The following SLC4A10 variants were observed in gnomAD, a reference collection of about 807,000 sequenced individuals.
SLC4A10 encodes the protein sodium-driven chloride bicarbonate exchanger.
Under a neutral mutation model 137.7 loss-of-function variants are expected in SLC4A10, and 42 were observed. That is an observed-to-expected ratio of 0.30 (90% confidence interval 0.24 to 0.39). The LOEUF (loss-of-function observed/expected upper bound fraction) is 0.39. Ranked by LOEUF, SLC4A10 falls within the 10% of genes least tolerant of loss-of-function variation. The probability of loss-of-function intolerance (pLI) is 1.00; values close to 1 mark genes in which losing one functional copy is unlikely to be tolerated. For synonymous variants in SLC4A10, 474 were observed against 464.1 expected, an observed-to-expected ratio of 1.02 and a Z score of -0.27; for missense variants, 925 against 1,355.0, an observed-to-expected ratio of 0.68 and a Z score of 4.98.
chr2:161,673,397 A>C (rs2105801103), intron 1 of SLC4A10, among the ~76,000 whole-genome samples: 1 of 152,310 alleles, frequency 6.6e-6, no homozygotes, highest in South Asian at 2.1e-4. Context: ...TCCCAAATGT[A>C]GGTAGTATTT....
chr2:161,860,448 C>A (rs1336725127), intron 5 of SLC4A10, among the ~76,000 whole-genome samples: 1 of 152,062 alleles, frequency 6.6e-6, no homozygotes, highest in Non-Finnish European at 1.5e-5. Flanking sequence ...CATATCATGG[C>A]TTATATTTGG....
chr2:161,708,964 G>A, intron 1 of SLC4A10: 1 of 1,031,354 alleles, frequency 9.7e-7, no homozygotes, highest in Non-Finnish European at 1.4e-6. Context: ...GAACAAGTAA[G>A]ATTTATGGCA....
chr2:161,740,313 C>G (rs943363269), intron 1 of SLC4A10, among the ~76,000 whole-genome samples: 1 of 152,134 alleles, frequency 6.6e-6, no homozygotes, highest in African/African-American at 2.4e-5. Context: ...TACACAAGTC[C>G]AGAGTCAGTT....
intron 1 of SLC4A10, among the ~76,000 whole-genome samples, chr2:161,703,202 A>G (rs2043300774): frequency 6.6e-6 from 1 of 151,740 alleles, no homozygotes; most frequent in Non-Finnish European, 1.5e-5. Flanking sequence ...TAGAGGATGT[A>G]TGTAAGGCTG....
At chr2:161,960,565 C>A (rs1696506414) in intron 21 of SLC4A10, among the ~76,000 whole-genome samples, 1 of 150,930 alleles carries the variant, frequency 6.6e-6, no homozygotes, top group East Asian at 2.0e-4. Context: ...ACTAAAAATA[C>A]AAAAATCAGA....
At chr2:161,866,649 T>C (rs2125905913) in intron 6 of SLC4A10, among the ~76,000 whole-genome samples, 1 of 152,060 alleles carries the variant, frequency 6.6e-6, no homozygotes, top group East Asian at 1.9e-4. Context: ...GAAAAGGGTA[T>C]GGGTGGTAAA....
At chr2:161,897,408 C>T (rs1191956765) in intron 11 of SLC4A10, among the ~76,000 whole-genome samples, 1 of 152,052 alleles carries the variant, frequency 6.6e-6, no homozygotes, top group Non-Finnish European at 1.5e-5. Context: ...CTCTGCTACC[C>T]TATTGGAAGC....
chr2:161,788,894 T>A (rs1032708577), intron 2 of SLC4A10, among the ~76,000 whole-genome samples: 1 of 152,160 alleles, frequency 6.6e-6, no homozygotes, highest in Non-Finnish European at 1.5e-5. Context: ...AGGTCAGCCC[T>A]CATCAGGAAA....
chr2:161,782,877 A>G (rs928738220), intron 2 of SLC4A10, among the ~76,000 whole-genome samples: 5 of 151,250 alleles, frequency 3.3e-5, no homozygotes, highest in African/African-American at 4.9e-5. Flanking sequence ...GGATCAATAT[A>G]TGCATTATGA....
chr2:161,811,270 A>C (rs146867976), intron 3 of SLC4A10, among the ~76,000 whole-genome samples: 1 of 151,844 alleles, frequency 6.6e-6, no homozygotes, highest in Non-Finnish European at 1.5e-5. Context: ...TTGTTAATCT[A>C]ACTAGTAGTC....
chr2:161,900,205 G>A (rs1682745105), intron 11 of SLC4A10, among the ~76,000 whole-genome samples: 1 of 152,022 alleles, frequency 6.6e-6, no homozygotes, highest in South Asian at 2.1e-4. Context: ...AATAGACCAT[G>A]GGAAAACAAT....
chr2:161,631,829 G>A (rs1220602834), intron 1 of SLC4A10, among the ~76,000 whole-genome samples: 1 of 151,668 alleles, frequency 6.6e-6, no homozygotes, highest in Non-Finnish European at 1.5e-5. Flanking sequence ...GGTGCTCTCA[G>A]AAGATGAAAA....
At position 161,629,972 on chromosome 2, in the gene SLC4A10, G is replaced by A. The variant is rs183193777; in HGVS notation, c.48+5406G>A. On this transcript the variant is annotated intron_variant, in intron 1 of 26. Transcript: ENST00000446997. The stretch of plus-strand genomic sequence containing the variant: ...AATATCTGGGTTTCCTCCAAGTTTG[G>A]CATTTATGAATAAGTCTGGTATAAA... Among the ~76,000 whole-genome samples, 4 of 151,826 alleles carry A rather than the reference G, an allele frequency of 2.6e-5. No homozygotes were observed. In the South Asian group the frequency reaches 6.2e-4, roughly 24 times the overall value.
At chr2:161,880,499 G>T (rs997814074) in intron 9 of SLC4A10, among the ~76,000 whole-genome samples, 1 of 152,074 alleles carries the variant, frequency 6.6e-6, no homozygotes, top group Admixed American at 6.6e-5. Flanking sequence ...ATGGTTTGGG[G>T]GAGGAATCTA....
intron 2 of SLC4A10, among the ~76,000 whole-genome samples, chr2:161,772,861 A>G (rs1299002525): frequency 6.6e-6 from 1 of 151,866 alleles, no homozygotes; most frequent in Non-Finnish European, 1.5e-5. Flanking sequence ...GCATGCAAAA[A>G]TTTAATAGAT....
At chr2:161,977,893 C>G (rs78049476) in intron 26 of SLC4A10, 133 bp downstream of exon 26, 1 of 659,186 alleles carries the variant, frequency 1.5e-6, no homozygotes, top group Admixed American at 3.1e-5. Flanking sequence ...GTGTTGGGCT[C>G]AGATCCAGTA....
chr2:161,725,667 A>G (rs905099209), intron 1 of SLC4A10, among the ~76,000 whole-genome samples: 1 of 152,200 alleles, frequency 6.6e-6, no homozygotes, highest in African/African-American at 2.4e-5. Flanking sequence ...TGGTGTAATC[A>G]TTTGAGATGT....
intron 1 of SLC4A10, among the ~76,000 whole-genome samples, chr2:161,712,779 A>C (rs1047687617): frequency 2.0e-5 from 3 of 151,836 alleles, no homozygotes; most frequent in Non-Finnish European, 4.4e-5. Context: ...TACATCTCTG[A>C]ATTTCACTTC....
intron 15 of SLC4A10, among the ~76,000 whole-genome samples, chr2:161,942,198 G>T (rs896867564): frequency 2.0e-5 from 3 of 152,168 alleles, no homozygotes; most frequent in African/African-American, 2.4e-5. Context: ...TAATCTGGGA[G>T]ACCAACCACC....
Sources: gnomAD v4.1 joint callset for allele counts (sites outside exome capture counted in the v4.1 genomes callset) on GRCh38, gnomAD v4.1.1 for gene constraint, MANE v1.5 for transcripts, NCBI Gene and HGNC (gene_info 2026-07-23, HGNC 2026-07-21) for gene names.